The following FRY variants were observed in gnomAD, a reference collection of about 807,000 sequenced individuals.
FRY encodes FRY microtubule binding protein, also known as protein furry homolog.
In FRY, 128 loss-of-function variants were observed where a neutral mutation model predicts 348.4. That is an observed-to-expected ratio of 0.37 (90% confidence interval 0.32 to 0.43). The LOEUF is 0.43. Ranked by LOEUF, FRY falls within the 20% of genes least tolerant of loss-of-function variation. The pLI, the probability that FRY is intolerant of heterozygous loss-of-function variation, is 1.00. For synonymous variants in FRY, 1,370 were observed against 1,374.7 expected, an observed-to-expected ratio of 1.00 and a Z score of 0.08; for missense variants, 2,736 against 3,695.2, an observed-to-expected ratio of 0.74 and a Z score of 6.73.
At chr13:32,159,460 C>CA (rs1215571874) in intron 16 of FRY, among the ~76,000 whole-genome samples, 3 of 149,802 alleles carry the variant, frequency 2.0e-5, no homozygotes, top group Non-Finnish European at 3.0e-5. Flanking sequence ...CATGCTAGTA[C>CA]AAAAAAAGAA....
chr13:32,033,802 C>T (rs1872366509), intron 1 of FRY, among the ~76,000 whole-genome samples: 1 of 152,166 alleles, frequency 6.6e-6, no homozygotes, highest in Admixed American at 6.5e-5. Context: ...GAATGTTTTT[C>T]AGTCCTTTCT....
intron 28 of FRY, among the ~76,000 whole-genome samples, chr13:32,188,592 C>G (rs1001680056): frequency 6.6e-6 from 1 of 152,126 alleles, no homozygotes; most frequent in Non-Finnish European, 1.5e-5. Flanking sequence ...TGTCATTGCT[C>G]TTTAGCCTTC....
At chr13:32,254,019 T>C in intron 50 of FRY, 1 of 601,070 alleles carries the variant, frequency 1.7e-6, no homozygotes, top group East Asian at 2.9e-5. Context: ...AACATTTTCC[T>C]GGTGCATGAA....
chr13:32,128,236 T>C (rs1289948861), intron 7 of FRY, among the ~76,000 whole-genome samples: 2 of 152,156 alleles, frequency 1.3e-5, no homozygotes, highest in Non-Finnish European at 2.9e-5. Context: ...TGAAATCCTC[T>C]CTAATTAATT....
At chr13:32,190,375 A>C (rs1031343860) in intron 28 of FRY, among the ~76,000 whole-genome samples, 2 of 152,144 alleles carry the variant, frequency 1.3e-5, no homozygotes, top group African/African-American at 2.4e-5. Flanking sequence ...AATAAAACTC[A>C]TTGCTCACAG....
rs1245683770 is a variant in FRY at position 32,276,536 on chromosome 13, A to G, written c.8359A>G (p.Asn2787Asp). The G allele has an allele frequency of 6.3e-7, 1 of 1,593,498 alleles. No individual in the cohort carries two copies. The highest frequency in any genetic ancestry group is 1.3e-5 in the African/African-American group (1 of 74,556). Reference protein sequence around the residue: ...LELQEYLDTYNNRKEATLSWL... With the variant: ...LELQEYLDTYDNRKEATLSWL... ...ACTGCAAGAATATTTGGATACCTAC[A>G]ACAACAGGAAAGAGGCCACACTCTC... Residue 2787 changes from asparagine (N) to aspartate (D), a missense_variant, in exon 57 of 61, where the codon AAC becomes GAC. Around this residue, in one of 9 missense-constraint regions of FRY, gnomAD observed 789 missense variants for 996.2 expected, o/e 0.79. Transcript: ENST00000542859.
rs371328946 is a variant in FRY at position 32,147,383 on chromosome 13, G to A, written c.1281G>A (p.Gln427=). 7 of 1,580,460 alleles carry A rather than the reference G, an allele frequency of 4.4e-6. No individual in the cohort carries two copies. The highest frequency in any genetic ancestry group is 4.4e-5 in the South Asian group (4 of 90,346). The part of the protein sequence containing the change: ...RIKCESNTAT[Q]SRLITIITTL... ...AATGTGAAAGCAACACAGCTACTCA[G>A]AGGTAAGATTTGGCTTGTGTCAATG... The change falls in exon 12 of 61, where the codon CAG becomes CAA. Residue 427 remains glutamine (Q), a splice_region_variant and synonymous_variant. Transcript: ENST00000542859.
rs560953541 is a variant in FRY at position 32,289,971 on chromosome 13, C to T, written c.8580+228C>T. ...TGAGGTGCCTCAAAATTTAAGAACG[C>T]GTGTAGGAAGGAACCTTCTGTGGGT... is the stretch of plus-strand genomic sequence containing the variant. On this transcript the variant is annotated intron_variant, in intron 59 of 60. Transcript: ENST00000542859. Among the ~76,000 whole-genome samples the T allele has an allele frequency of 2.8e-4, 43 of 152,214 alleles. No individual in the cohort carries two copies. The South Asian group carries it at 7.5e-3, about 26-fold the overall frequency.
chr13:32,195,506 T>C (rs933841154), intron 29 of FRY, among the ~76,000 whole-genome samples: 1 of 152,188 alleles, frequency 6.6e-6, no homozygotes, highest in Non-Finnish European at 1.5e-5. Context: ...TTGGGCTTCT[T>C]TCTTTGACAA....
chr13:32,227,646 TAC>T (rs1453415473), intron 39 of FRY, among the ~76,000 whole-genome samples: 1 of 152,110 alleles, frequency 6.6e-6, no homozygotes, highest in Non-Finnish European at 1.5e-5. Flanking sequence ...TATATCAATA[TAC>T]ACATAATACT....
intron 17 of FRY, among the ~76,000 whole-genome samples, chr13:32,165,840 G>A (rs1377131686): frequency 2.0e-5 from 3 of 152,138 alleles, no homozygotes; most frequent in African/African-American, 7.2e-5. Flanking sequence ...TTTCTGATCT[G>A]ACCAACAAAG....
At chr13:32,181,608 C>A (rs2520692) in intron 23 of FRY, among the ~76,000 whole-genome samples, 52,790 of 139,426 alleles carry the variant, frequency 0.38, 9,853 homozygotes, top group Middle Eastern at 0.43. Flanking sequence ...GAAAGAAATA[C>A]AAGGAGATAA....
Position 32,079,106 on chromosome 13 carries a change from T to C in FRY, c.270+73T>C, listed in dbSNP as rs55977206. On this transcript the variant is annotated intron_variant, in intron 2 of 60. Coordinates refer to ENST00000542859, the MANE Select transcript of FRY (RefSeq NM_023037.3). The stretch of plus-strand genomic sequence containing the variant: ...CTGAATATACTAGATTTAAACACTA[T>C]AACAAAAGATGGATTGCTTTTCCTC... 8,993 of 1,003,994 alleles carry C rather than the reference T, an allele frequency of 9.0e-3. 55 individuals carry two copies. Among genetic ancestry groups the C allele is most frequent in the Non-Finnish European group, 0.012 (7,402 of 629,894 alleles). 62.2% of individuals were successfully genotyped at this position (1,003,994 alleles called of 1,614,324 possible).
chr13:32,175,401 C>T (rs970703525), intron 19 of FRY, 145 bp from the exon 20 acceptor site: 2 of 692,600 alleles, frequency 2.9e-6, no homozygotes, highest in African/African-American at 1.8e-5. Flanking sequence ...TCACTGCCTT[C>T]CACCCTCTGG....
chr13:32,147,076 C>A (rs1018657784), intron 11 of FRY, among the ~76,000 whole-genome samples: 1 of 152,128 alleles, frequency 6.6e-6, no homozygotes, highest in Non-Finnish European at 1.5e-5. Flanking sequence ...TCTGTCCCAC[C>A]GTTTATATGC....
intron 36 of FRY, 21 bp from the exon 37 acceptor site, chr13:32,224,214 G>A (rs781659769): frequency 5.3e-5 from 85 of 1,611,776 alleles, no homozygotes; most frequent in East Asian, 4.2e-4. Context: ...ATAAAGCACA[G>A]TTGTCTTTCT....
rs1807194632 is a variant in FRY at position 32,295,212 on chromosome 13, C to G, written c.8794C>G (p.Pro2932Ala). Residue 2932 changes from proline to alanine, a missense_variant, in exon 61 of 61, where the codon CCC becomes GCC. Around this residue, in one of 9 missense-constraint regions of FRY, gnomAD observed 157 missense variants for 215.2 expected, o/e 0.73. Coordinates refer to ENST00000542859, the MANE Select transcript of FRY (RefSeq NM_023037.3). The part of the protein sequence containing the change: ...RQIRECRSLW[P>A]NDIFGSSSDD... Reference sequence around the variant, plus strand: ...TCTTTTTGACTGCAGAAGTCTGTGGCCCAATGACATCTTTGGAAGCAGTTC... The same window carrying G: ...TCTTTTTGACTGCAGAAGTCTGTGGGCCAATGACATCTTTGGAAGCAGTTC... The G allele has an allele frequency of 6.2e-7, 1 of 1,613,898 alleles. No homozygotes were observed. Among genetic ancestry groups the G allele is most frequent in the Non-Finnish European group, 8.5e-7 (1 of 1,179,890 alleles).
intron 1 of FRY, among the ~76,000 whole-genome samples, chr13:32,046,214 A>G (rs1236259741): frequency 6.6e-6 from 1 of 152,194 alleles, no homozygotes; most frequent in African/African-American, 2.4e-5. Context: ...TACTGTTCCT[A>G]GGACATCCCT....
At chr13:32,174,104 T>G (rs1882247243) in intron 19 of FRY, among the ~76,000 whole-genome samples, 1 of 152,230 alleles carries the variant, frequency 6.6e-6, no homozygotes, top group Non-Finnish European at 1.5e-5. Context: ...GAGAAAACAC[T>G]TATTGCTATC....
Sources: gnomAD v4.1 joint callset for allele counts (sites outside exome capture counted in the v4.1 genomes callset) on GRCh38, gnomAD v4.1.1 for gene constraint, gnomAD v4.1.1 regional missense constraint, MANE v1.5 for transcripts, NCBI Gene and HGNC (gene_info 2026-07-23, HGNC 2026-07-21) for gene names.